Variants in RNF103 observed in about 807,000 individuals in gnomAD.
The protein encoded by RNF103 is E3 ubiquitin-protein ligase RNF103.
A neutral mutation model predicts 66.2 loss-of-function variants in RNF103; 23 were observed. The ratio of observed to expected loss-of-function variants is 0.35; its 90% CI spans 0.25 to 0.49. RNF103 has a LOEUF of 0.49. RNF103 is among the 20% of genes least tolerant of loss of function. RNF103 has a pLI of 0.98. For synonymous variants in RNF103, 297 were observed against 289.9 expected (o/e 1.02, Z -0.25); for missense variants, 730 against 814.7 (o/e 0.90, Z 1.27).
At chr2:86,606,280 G>A (rs1160403161) in intron 3 of RNF103, among the ~76,000 whole-genome samples, 2 of 152,052 alleles carry the variant, frequency 1.3e-5, no homozygotes, top group African/African-American at 4.8e-5. Context: ...TCTTCCTTTT[G>A]GAAACCTGTC....
chr2:86,620,618 A>T, intron 1 of RNF103, 149 bp from the exon 2 acceptor site: 11 of 1,089,932 alleles, frequency 1.0e-5, no homozygotes, highest in Non-Finnish European at 1.2e-5. Flanking sequence ...ACCTGGATAT[A>T]CCCACTTAGG....
At chr2:86,605,473 C>A (rs1273322278) in intron 3 of RNF103, 55 bp from the exon 4 acceptor site, 75 of 1,510,004 alleles carry the variant, frequency 5.0e-5, no homozygotes, top group Non-Finnish European at 6.0e-5. Flanking sequence ...AACAATTTAT[C>A]TTCCCTGACA....
intron 2 of RNF103, chr2:86,617,026 G>T: frequency 1.0e-6 from 1 of 985,330 alleles, no homozygotes; most frequent in African/African-American, 1.7e-5. Context: ...ATATGAGCTT[G>T]GGTTAGGGAC....
chr2:86,607,658 C>T (rs577705906), intron 3 of RNF103, among the ~76,000 whole-genome samples: 2 of 152,202 alleles, frequency 1.3e-5, no homozygotes, highest in East Asian at 1.9e-4. Context: ...CTATTTTTAC[C>T]GTATCCCAAA....
At chr2:86,615,540 T>A (rs199534039) in intron 2 of RNF103, among the ~76,000 whole-genome samples, 4 of 126,914 alleles carry the variant, frequency 3.2e-5, no homozygotes, top group Non-Finnish European at 5.3e-5. Flanking sequence ...ATATATATAA[T>A]ATATATACAC....
intron 3 of RNF103, among the ~76,000 whole-genome samples, chr2:86,607,254 C>G (rs1678608460): frequency 6.6e-6 from 1 of 152,096 alleles, no homozygotes; most frequent in African/African-American, 2.4e-5. Flanking sequence ...AGATGTTATG[C>G]TTTACTTAGC....
At chr2:86,617,290 C>G (rs1223494279) in intron 2 of RNF103, 1 of 985,402 alleles carries the variant, frequency 1.0e-6, no homozygotes, top group East Asian at 1.1e-4. Context: ...AAACAAATGA[C>G]AGAGAACAAA....
chr2:86,623,718 C>T lies in RNF103; in HGVS notation c.-832G>A, dbSNP rs1558690717. The stretch of plus-strand genomic sequence containing the variant: ...GCTCCTCCAGGCGGCTACCCGGCTG[C>T]CTCCCGGCCACTCAGCGCCCGTCCC... On this transcript the variant is annotated 5_prime_UTR_variant, in exon 1 of 4. Coordinates refer to ENST00000237455, the MANE Select transcript of RNF103 (RefSeq NM_005667.4). 6.4e-6 allele frequency: 8 copies of T among 1,251,986 alleles called. No individual in the cohort carries two copies. The South Asian group carries it at 9.0e-5, about 14-fold the overall frequency. The allele number at this position is 1,251,986 out of a possible 1,614,324, so 77.6% of individuals were successfully genotyped here. A position where few individuals can be genotyped will look rare whatever the true frequency, so the allele number is the denominator to read the frequency against.
In RNF103 at chr2:86,604,254, A is replaced by G; in HGVS notation, c.1647T>C (p.Ser549=). Residue 549 remains serine (S), a synonymous_variant, in exon 4 of 4, where the codon AGT becomes AGC. Coordinates refer to ENST00000237455, the MANE Select transcript of RNF103 (RefSeq NM_005667.4). ...SESENTDTLS[S]EKEVFEDKQS... is the part of the protein sequence containing the mutation. ...GCTTATCTTCAAATACTTCCTTCTC[A>G]CTACTCAAAGTGTCTGTGTTCTCAC... 2 of 1,614,124 alleles carry G rather than the reference A, an allele frequency of 1.2e-6. No homozygotes were observed. Among genetic ancestry groups the G allele is most frequent in the Non-Finnish European group, 8.5e-7 (1 of 1,180,030 alleles).
rs1262546450 is a variant in RNF103 at position 86,604,106 on chromosome 2, T to TA, written c.1794dup (p.Asn599Ter). 6.2e-7 allele frequency: 1 copy of TA among 1,613,632 alleles called. No individual in the cohort carries two copies. On this transcript the variant is annotated frameshift_variant, in exon 4 of 4. Transcript: ENST00000237455. LOFTEE classifies it high-confidence loss of function. ...TCAGGTTCCATATCTTCATTAGTGT[T>TA]ATATGATCCATATGACCTCCCCTTC... is the stretch of plus-strand genomic sequence containing the variant.
chr2:86,617,804 C>A (rs906628539), intron 2 of RNF103: 2 of 1,032,814 alleles, frequency 1.9e-6, no homozygotes, highest in Non-Finnish European at 2.3e-6. Flanking sequence ...AAAGTACAAC[C>A]CTCTTTTAAG....
At chr2:86,614,680 C>T in intron 2 of RNF103, 2 of 843,254 alleles carry the variant, frequency 2.4e-6, no homozygotes, top group Non-Finnish European at 2.9e-6. Context: ...GCCTCTTGTT[C>T]TTTATTTTAT....
intron 3 of RNF103, among the ~76,000 whole-genome samples, chr2:86,607,701 T>C (rs544688255): frequency 1.3e-5 from 2 of 152,384 alleles, no homozygotes; most frequent in East Asian, 3.9e-4. Flanking sequence ...TGGACAACTG[T>C]CTTATTTATA....
At chr2:86,614,766 AT>A in intron 2 of RNF103, 1 of 974,550 alleles carries the variant, frequency 1.0e-6, no homozygotes, top group Non-Finnish European at 1.2e-6. Context: ...AGTTTAACTT[AT>A]TTTTCAGATT....
Position 86,623,744 on chromosome 2 carries a change from G to C in RNF103, c.-858C>G. The C allele has an allele frequency of 1.1e-5, 14 of 1,273,060 alleles. No homozygotes were observed. The highest frequency in any genetic ancestry group is 1.4e-5 in the Non-Finnish European group (14 of 982,378). 78.9% of individuals were successfully genotyped at this position (1,273,060 alleles called of 1,614,324 possible). A position where few individuals can be genotyped will look rare whatever the true frequency, so the allele number is the denominator to read the frequency against. ...CTCCCGGCCACTCAGCGCCCGTCCCGCTCGGATGGGCAGTGCCGGTCGCAG... is the reference window on the plus strand; with the variant it reads ...CTCCCGGCCACTCAGCGCCCGTCCCCCTCGGATGGGCAGTGCCGGTCGCAG... On this transcript the variant is annotated 5_prime_UTR_variant, in exon 1 of 4. Transcript: ENST00000237455.
chr2:86,607,278 T>G (rs528647129), intron 3 of RNF103, among the ~76,000 whole-genome samples: 7 of 152,350 alleles, frequency 4.6e-5, no homozygotes, highest in African/African-American at 1.2e-4. Flanking sequence ...GATTATATTT[T>G]ATTAAATAAA....
In RNF103 at chr2:86,623,609, C is replaced by A; in HGVS notation, c.-723G>T. On this transcript the variant is annotated 5_prime_UTR_variant, in exon 1 of 4. Coordinates refer to ENST00000237455, the MANE Select transcript of RNF103 (RefSeq NM_005667.4). ...GCGCCTCTCAGGCGGGCGGGCACTGCGGCCCGGCCCAGGATGGGGCGTCGC... is the reference window on the plus strand; with the variant it reads ...GCGCCTCTCAGGCGGGCGGGCACTGAGGCCCGGCCCAGGATGGGGCGTCGC... 3 of 1,036,448 alleles carry A rather than the reference C, an allele frequency of 2.9e-6. No individual in the cohort carries two copies. Among genetic ancestry groups the A allele is most frequent in the Non-Finnish European group, 3.5e-6 (3 of 857,582 alleles). The allele number at this position is 1,036,448 out of a possible 1,614,324, so 64.2% of individuals were successfully genotyped here.
rs1331310416 is a variant in RNF103 at position 86,604,785 on chromosome 2, T to C, written c.1116A>G (p.Leu372=). The C allele has an allele frequency of 1.2e-6, 2 of 1,614,076 alleles. No homozygotes were observed. Among genetic ancestry groups the C allele is most frequent in the South Asian group, 1.1e-5 (1 of 91,074 alleles). Residue 372 remains leucine (L), a synonymous_variant, in exon 4 of 4, where the codon CTA becomes CTG. Coordinates refer to ENST00000237455, the MANE Select transcript of RNF103 (RefSeq NM_005667.4). ...TYNSLLIISW[L]PVLGFLQLPY... ...GTAGCTGTAAAAAGCCCAACACAGG[T>C]AGCCAGGAAATAATTAATAGAGAAT...
At chr2:86,618,091 G>T (rs562726862) in intron 2 of RNF103, 1 of 427,328 alleles carries the variant, frequency 2.3e-6, no homozygotes, top group African/African-American at 2.0e-5. Context: ...TATTTTTAAA[G>T]AGTTGTTTTT....
Sources: gnomAD v4.1 joint callset for allele counts (sites outside exome capture counted in the v4.1 genomes callset) on GRCh38, gnomAD v4.1.1 for gene constraint, MANE v1.5 for transcripts, NCBI Gene and HGNC (gene_info 2026-07-23, HGNC 2026-07-21) for gene names.